The following DIO2 variants were observed in gnomAD, a reference collection of about 807,000 sequenced individuals.
The protein encoded by DIO2 is type II iodothyronine deiodinase.
Under a neutral mutation model 21.4 loss-of-function variants are expected in DIO2, and 19 were observed. That is an observed-to-expected ratio of 0.89 (90% CI 0.62 to 1.30). The LOEUF (loss-of-function observed/expected upper bound fraction) is 1.30. DIO2 is among the 50% of genes most tolerant of loss of function. The pLI, the probability that DIO2 is intolerant of heterozygous loss-of-function variation, is 0.00. For synonymous variants in DIO2, 122 were observed against 132.9 expected (o/e 0.92, Z 0.57); for missense variants, 302 against 338.1 (o/e 0.89, Z 0.84).
Position 80,199,311 on chromosome 14 carries a change from C to T in DIO2, c.*3378G>A, listed in dbSNP as rs1887618564. The T allele has an allele frequency of 6.6e-6, 1 of 152,158 alleles. No individual in the cohort carries two copies. The highest frequency in any genetic ancestry group is 2.4e-5 in the African/African-American group (1 of 41,432). The allele number at this position is 152,158 out of a possible 1,614,324, so 9.4% of individuals were successfully genotyped here. The stretch of plus-strand genomic sequence containing the variant: ...CACTGTGATGAGAGAATAAGCACTT[C>T]CTGGTTAACGGGAGAAGAACTTAAC... On this transcript the variant is annotated 3_prime_UTR_variant, in exon 2 of 2. Coordinates refer to ENST00000438257, the MANE Select transcript of DIO2 (RefSeq NM_013989.5).
intron 2 of DIO2, among the ~76,000 whole-genome samples, chr14:80,230,105 A>G (rs1013787912): frequency 6.6e-6 from 1 of 152,160 alleles, no homozygotes; most frequent in Non-Finnish European, 1.5e-5. Flanking sequence ...ACAAAGGTGG[A>G]AAGACTAATG....
intron 1 of DIO2, among the ~76,000 whole-genome samples, chr14:80,209,042 G>T (rs1389706363): frequency 1.3e-5 from 2 of 152,038 alleles, no homozygotes; most frequent in Admixed American, 6.6e-5. Context: ...CAAACCATAT[G>T]CAAAAAGAAA....
chr14:80,228,676 C>T (rs1888626332), intron 2 of DIO2, among the ~76,000 whole-genome samples: 1 of 152,198 alleles, frequency 6.6e-6, no homozygotes, highest in Non-Finnish European at 1.5e-5. Context: ...TGTGGGGGTT[C>T]TGCCAGCTAA....
intron 2 of DIO2, among the ~76,000 whole-genome samples, chr14:80,222,041 G>A (rs371352094): frequency 6.6e-6 from 1 of 152,188 alleles, no homozygotes; most frequent in Non-Finnish European, 1.5e-5. Context: ...AGGAAGGTGG[G>A]AGGGGAGAAG....
At chr14:80,211,539 G>C (rs1197777127), upstream of DIO2, 3 of 899,802 alleles carry the variant, frequency 3.3e-6, no homozygotes, top group African/African-American at 1.8e-5. Flanking sequence ...ATTTAAAAGG[G>C]GGGTGGTGAT....
chr14:80,211,775 T>TAAAAAAAAA (rs10540744), upstream of DIO2: 2 of 6,014 alleles, frequency 3.3e-4, no homozygotes, highest in Non-Finnish European at 5.4e-4. Flanking sequence ...TTTAAGATGT[T>TAAAAAAAAA]AAAAAAAAAA....
intron 2 of DIO2, among the ~76,000 whole-genome samples, chr14:80,227,249 T>C (rs1169795485): frequency 1.3e-5 from 2 of 152,184 alleles, no homozygotes; most frequent in African/African-American, 4.8e-5. Context: ...CTGCCCATGA[T>C]GCCATTGGTG....
intron 2 of DIO2, among the ~76,000 whole-genome samples, chr14:80,219,799 G>A (rs986946532): frequency 6.6e-6 from 1 of 152,094 alleles, no homozygotes; most frequent in African/African-American, 2.4e-5. Context: ...AAATGCACAG[G>A]TCCAGCTAAA....
chr14:80,203,409 C>A, intron 1 of DIO2, 121 bp from the exon 2 acceptor site: 1 of 1,181,682 alleles, frequency 8.5e-7, no homozygotes, highest in Non-Finnish European at 1.2e-6. Context: ...GTGGTATTTC[C>A]TTCAGAGCAT....
Position 80,202,595 on chromosome 14 carries a change from G to T in DIO2, c.*94C>A. On this transcript the variant is annotated 3_prime_UTR_variant, in exon 2 of 2. Coordinates refer to ENST00000438257, the MANE Select transcript of DIO2 (RefSeq NM_013989.5). ...TAGATAAACTCCTGTCTTTCAGTAAGCCAATAGGGCTCTGTTGAAATATGG... is the reference window on the plus strand; with the variant it reads ...TAGATAAACTCCTGTCTTTCAGTAATCCAATAGGGCTCTGTTGAAATATGG... 7.8e-7 allele frequency: 1 copy of T among 1,288,282 alleles called. No individual in the cohort carries two copies. The highest frequency in any genetic ancestry group is 1.0e-6 in the Non-Finnish European group (1 of 952,838). The allele number at this position is 1,288,282 out of a possible 1,614,324, so 79.8% of individuals were successfully genotyped here.
At chr14:80,208,182 T>C (rs962522578) in intron 1 of DIO2, among the ~76,000 whole-genome samples, 1 of 152,168 alleles carries the variant, frequency 6.6e-6, no homozygotes, top group Non-Finnish European at 1.5e-5. Context: ...ACTGTTCAGA[T>C]GCAATGACGC....
rs192334437 is a variant in DIO2, at chr14:80,197,593, C to G, written c.*5096G>C. On this transcript the variant is annotated 3_prime_UTR_variant, in exon 2 of 2. Coordinates refer to ENST00000438257, the MANE Select transcript of DIO2 (RefSeq NM_013989.5). ...AAATTGTATAAGCACACATAGCACT[C>G]AGCACCAATATGATAACACTCTTTC... The G allele has an allele frequency of 1.3e-5, 2 of 152,738 alleles. No homozygotes were observed. The highest frequency in any genetic ancestry group is 1.9e-4 in the East Asian group (1 of 5,190). The allele number at this position is 152,738 out of a possible 1,614,324, so 9.5% of individuals were successfully genotyped here.
upstream of DIO2, chr14:80,212,166 T>C (rs1888235439): frequency 6.6e-6 from 1 of 152,114 alleles, no homozygotes; most frequent in South Asian, 2.1e-4. Context: ...TGGTGCAAAG[T>C]GCCTCTCTCT....
At position 80,202,619 on chromosome 14, in the gene DIO2, G is replaced by A; in HGVS notation, c.*70C>T. 3 of 1,446,738 alleles carry A rather than the reference G, an allele frequency of 2.1e-6. No individual in the cohort carries two copies. The highest frequency in any genetic ancestry group is 2.8e-6 in the Non-Finnish European group (3 of 1,085,530). The allele number at this position is 1,446,738 out of a possible 1,614,324, so 89.6% of individuals were successfully genotyped here. A position where few individuals can be genotyped will look rare whatever the true frequency, so the allele number is the denominator to read the frequency against. On this transcript the variant is annotated 3_prime_UTR_variant, in exon 2 of 2. Coordinates refer to ENST00000438257, the MANE Select transcript of DIO2 (RefSeq NM_013989.5). ...AGCCAATAGGGCTCTGTTGAAATAT[G>A]GATTCAGTTCTTAATTTCCTTGCCT...
intron 2 of DIO2, among the ~76,000 whole-genome samples, chr14:80,222,188 AT>A (rs1390605902): frequency 1.3e-5 from 2 of 152,234 alleles, no homozygotes; most frequent in African/African-American, 2.4e-5. Flanking sequence ...ATTGAAAAAA[AT>A]ATTCAAATAA....
intron 2 of DIO2, among the ~76,000 whole-genome samples, chr14:80,222,368 G>A (rs529097558): frequency 3.3e-5 from 5 of 152,254 alleles, no homozygotes; most frequent in South Asian, 4.1e-4. Context: ...CATTTAAAGA[G>A]ATAAACACTG....
At chr14:80,209,512 C>G (rs1413449653) in intron 1 of DIO2, among the ~76,000 whole-genome samples, 2 of 152,114 alleles carry the variant, frequency 1.3e-5, no homozygotes, top group African/African-American at 4.8e-5. Flanking sequence ...GTCTGATATA[C>G]TTGTGTACTC....
intron 1 of DIO2, among the ~76,000 whole-genome samples, chr14:80,204,578 G>A (rs982954483): frequency 6.6e-6 from 1 of 152,118 alleles, no homozygotes; most frequent in Non-Finnish European, 1.5e-5. Flanking sequence ...TTTAATCAAA[G>A]CCAATAACAT....
intron 2 of DIO2, among the ~76,000 whole-genome samples, chr14:80,218,283 G>A (rs1888396093): frequency 6.6e-6 from 1 of 151,696 alleles, no homozygotes; most frequent in Admixed American, 6.6e-5. Context: ...ATTATTTTTA[G>A]TTTGAATTAC....
Sources: allele counts gnomAD v4.1 joint callset (sites outside exome capture counted in the v4.1 genomes callset), GRCh38; gene constraint gnomAD v4.1.1; transcripts MANE v1.5; gene names NCBI Gene and HGNC (gene_info 2026-07-23, HGNC 2026-07-21).